NAA38: variants seen among roughly 807,000 people sequenced by gnomAD.
NAA38 encodes the protein N-alpha-acetyltransferase 38, NatC auxiliary subunit.
NAA38 carries 15 observed loss-of-function variants against 12.6 expected under a neutral mutation model. The ratio of observed to expected loss-of-function variants is 1.19; its 90% CI spans 0.79 to 1.83. The LOEUF (loss-of-function observed/expected upper bound fraction) is 1.83. NAA38 is among the 40% of genes most tolerant of loss of function. NAA38 has a pLI of 0.00. For synonymous variants in NAA38, 88 were observed against 69.9 expected, an observed-to-expected ratio of 1.26 and a Z score of -1.29; for missense variants, 183 against 171.7, an observed-to-expected ratio of 1.07 and a Z score of -0.37.
At chr17:7,883,160 TA>T (rs1478392166) in intron 2 of NAA38, 1 of 152,196 alleles carries the variant, frequency 6.6e-6, no homozygotes, top group Non-Finnish European at 1.5e-5. Flanking sequence ...GGTACCACTT[TA>T]CCATAAACAC....
chr17:7,867,844 G>T (rs1166258804), intron 2 of NAA38, among the ~76,000 whole-genome samples: 2 of 152,164 alleles, frequency 1.3e-5, no homozygotes, highest in African/African-American at 4.8e-5. Context: ...AGAATTGCAG[G>T]ACTTGATAAT....
At position 7,857,511 on chromosome 17, in the gene NAA38, A is replaced by G. The variant is rs558508105; in HGVS notation, c.-48T>C. 2 of 1,479,084 alleles carry G rather than the reference A, an allele frequency of 1.4e-6. No homozygotes were observed. Among genetic ancestry groups the G allele is most frequent in the South Asian group, 1.5e-5 (1 of 67,352 alleles). The allele number at this position is 1,479,084 out of a possible 1,614,324, so 91.6% of individuals were successfully genotyped here. On this transcript the variant is annotated 5_prime_UTR_variant, in exon 1 of 3. Coordinates refer to ENST00000575771, the MANE Select transcript of NAA38 (RefSeq NM_001320925.4). ...CCTTTCAACTTCCTAAGCACCTTTC[A>G]GGTTGGGTGGTCCGAGATCTCGCGA... is the stretch of plus-strand genomic sequence containing the variant.
At chr17:7,885,138 G>A in intron 1 of NAA38, 1 of 982,736 alleles carries the variant, frequency 1.0e-6, no homozygotes, top group Non-Finnish European at 1.2e-6. Flanking sequence ...GCGGGCGCGC[G>A]AAGCCGGGCG....
chr17:7,876,643 G>A (rs1365708000), intron 2 of NAA38, among the ~76,000 whole-genome samples: 1 of 152,044 alleles, frequency 6.6e-6, no homozygotes, highest in Non-Finnish European at 1.5e-5. Context: ...TTTCTTCTCT[G>A]AATGCTGATT....
At chr17:7,864,733 A>G (rs1966933361) in intron 3 of NAA38, 2 of 152,116 alleles carry the variant, frequency 1.3e-5, no homozygotes, top group South Asian at 4.1e-4. Context: ...CCCTGTCTTT[A>G]CTAAAAATAC....
intron 1 of NAA38, 21 bp from the exon 2 acceptor site, chr17:7,857,219 G>C (rs368203289): frequency 5.6e-6 from 9 of 1,612,264 alleles, no homozygotes; most frequent in African/African-American, 1.3e-5. Context: ...TGTAACAAGC[G>C]CTCAGACCGC....
chr17:7,863,018 C>T (rs1186334235), upstream of NAA38: 2 of 152,036 alleles, frequency 1.3e-5, no homozygotes, highest in Non-Finnish European at 2.9e-5. Context: ...CTCACAAGCA[C>T]ATGGCAGGAA....
chr17:7,866,604 T>G, intron 2 of NAA38: 6 of 939,548 alleles, frequency 6.4e-6, no homozygotes, highest in African/African-American at 1.7e-5. Context: ...CTACATGCTG[T>G]TCCTCTGTGT....
chr17:7,885,133 C>G, intron 1 of NAA38: 1 of 981,524 alleles, frequency 1.0e-6, no homozygotes, highest in Non-Finnish European at 1.2e-6. Flanking sequence ...GAGCCGCGGG[C>G]GCGCGAAGCC....
chr17:7,857,909 C>G, upstream of NAA38: 1 of 1,416,108 alleles, frequency 7.1e-7, no homozygotes, highest in South Asian at 1.5e-5. Flanking sequence ...CCTTATATGC[C>G]CCACGCGGGA....
chr17:7,885,045 C>A (rs552066058), intron 1 of NAA38: 3 of 1,083,412 alleles, frequency 2.8e-6, no homozygotes, highest in Non-Finnish European at 1.1e-6. Context: ...CCGCCGCCGC[C>A]GCCACCGCTG....
upstream of NAA38, chr17:7,861,929 G>A (rs753478621): frequency 2.0e-5 from 3 of 152,120 alleles, no homozygotes; most frequent in Non-Finnish European, 4.4e-5. Flanking sequence ...GTTCTCTATG[G>A]CCTAGACACA....
At chr17:7,857,708 C>CACAT (rs2078840329), upstream of NAA38, 8 of 1,306,992 alleles carry the variant, frequency 6.1e-6, no homozygotes, top group South Asian at 1.4e-4. Context: ...TGGTTTCTTA[C>CACAT]ACATCCTTTA....
chr17:7,871,352 A>C (rs1967082310), intron 2 of NAA38, among the ~76,000 whole-genome samples: 1 of 152,230 alleles, frequency 6.6e-6, no homozygotes, highest in African/African-American at 2.4e-5. Context: ...AGTACATATT[A>C]AGTACTTAGT....
chr17:7,884,611 C>A (rs2151400361), intron 1 of NAA38, among the ~76,000 whole-genome samples: 2 of 136,064 alleles, frequency 1.5e-5, no homozygotes, highest in African/African-American at 5.6e-5. Context: ...AGACGGCGGC[C>A]CCGAGGGTGG....
chr17:7,867,744 G>C (rs1382757521), intron 2 of NAA38, among the ~76,000 whole-genome samples: 2 of 152,246 alleles, frequency 1.3e-5, no homozygotes, highest in Non-Finnish European at 2.9e-5. Flanking sequence ...TGGAGACAGA[G>C]AGACCTGCCC....
intron 2 of NAA38, among the ~76,000 whole-genome samples, chr17:7,874,399 T>C (rs1967137860): frequency 6.6e-6 from 1 of 152,122 alleles, no homozygotes; most frequent in Non-Finnish European, 1.5e-5. Flanking sequence ...AGATCATTCA[T>C]GTGGATCCTA....
At chr17:7,875,017 G>A (rs886897702) in intron 2 of NAA38, among the ~76,000 whole-genome samples, 4 of 151,780 alleles carry the variant, frequency 2.6e-5, no homozygotes, top group East Asian at 1.9e-4. Context: ...ACGACACAGC[G>A]AGATCCCATC....
At chr17:7,877,825 C>T (rs1276967937) in intron 2 of NAA38, among the ~76,000 whole-genome samples, 1 of 152,076 alleles carries the variant, frequency 6.6e-6, no homozygotes, top group Admixed American at 6.5e-5. Context: ...ATATTAGTGT[C>T]CTTTAAAACT....
Sources: allele counts gnomAD v4.1 joint callset (sites outside exome capture counted in the v4.1 genomes callset), GRCh38; gene constraint gnomAD v4.1.1; transcripts MANE v1.5; gene names NCBI Gene and HGNC (gene_info 2026-07-23, HGNC 2026-07-21).